Variants in ZGRF1 observed in about 807,000 individuals in gnomAD.
ZGRF1 encodes zinc finger GRF-type containing 1, also known as 5'-3' DNA helicase ZGRF1.
A neutral mutation model predicts 203.5 loss-of-function variants in ZGRF1; 196 were observed. The observed-to-expected ratio is 0.96, with a 90% confidence interval of 0.86 to 1.08. ZGRF1 has a LOEUF of 1.08. Among genes scored for constraint, ZGRF1 ranks in the 50% least tolerant of loss-of-function variants. ZGRF1 has a pLI of 0.00. For missense variants in ZGRF1, 2,326 were observed against 2,416.3 expected (o/e 0.96, Z 0.78); for synonymous variants, 809 against 841.3 (o/e 0.96, Z 0.66).
rs193253053 is a variant in ZGRF1 at position 112,613,988 on chromosome 4, A to C, written c.2603-1400T>G. On this transcript the variant is annotated intron_variant, in intron 6 of 27. Coordinates refer to ENST00000505019, the MANE Select transcript of ZGRF1 (RefSeq NM_018392.5). Reference sequence around the variant, plus strand: ...ATTTTGGAACTTGACATTTCTAACAAGTTTTTTTAAAACACCAGATGAAAA... The same window carrying C: ...ATTTTGGAACTTGACATTTCTAACACGTTTTTTTAAAACACCAGATGAAAA... 7.9e-5 allele frequency among the ~76,000 whole-genome samples: 12 copies of C among 152,322 alleles called. No homozygotes were observed. In the East Asian group the frequency reaches 2.3e-3, roughly 29 times the overall value.
At chr4:112,587,970 C>T (rs774164163) in intron 11 of ZGRF1, 41 bp from the exon 12 acceptor site, 2 of 1,434,536 alleles carry the variant, frequency 1.4e-6, no homozygotes, top group Non-Finnish European at 9.3e-7. Flanking sequence ...AAATGTTCTA[C>T]TAGTTATCAC....
intron 1 of ZGRF1, among the ~76,000 whole-genome samples, chr4:112,636,384 A>G (rs2047638274): frequency 6.6e-6 from 1 of 152,186 alleles, no homozygotes; most frequent in African/African-American, 2.4e-5. Context: ...TTTAAATACT[A>G]GATATTTTTC....
Position 112,587,598 on chromosome 4 carries a change from G to T in ZGRF1, c.3459C>A (p.Ser1153=). 2 of 1,613,760 alleles carry T rather than the reference G, an allele frequency of 1.2e-6. No homozygotes were observed. The highest frequency in any genetic ancestry group is 4.5e-5 in the East Asian group (2 of 44,880). Residue 1153 remains serine, a synonymous_variant, in exon 12 of 28, where the codon TCC becomes TCA. Coordinates refer to ENST00000505019, the MANE Select transcript of ZGRF1 (RefSeq NM_018392.5). ...TGTTTGGAGTAGCCACGTTGCATTG[G>T]GATGTGTTTTGATATTTCAGCCACT... ...QSKWLKYQNT[S]QCNVATPNRV...
chr4:112,563,932 A>G (rs1236712355), intron 16 of ZGRF1, among the ~76,000 whole-genome samples: 2 of 152,170 alleles, frequency 1.3e-5, no homozygotes, highest in African/African-American at 2.4e-5. Context: ...TAAGTTATGC[A>G]GCGCCCACAT....
At chr4:112,623,251 CTATCACTGA>C (rs1280470835) in intron 4 of ZGRF1, among the ~76,000 whole-genome samples, 1 of 152,152 alleles carries the variant, frequency 6.6e-6, no homozygotes, top group Non-Finnish European at 1.5e-5. Context: ...TTTATCCAGT[CTATCACTGA>C]TAGGCATTTA....
chr4:112,540,180 C>T, intron 26 of ZGRF1, 56 bp from the exon 27 acceptor site: 1 of 1,323,574 alleles, frequency 7.6e-7, no homozygotes, highest in South Asian at 2.0e-5. Context: ...ACTTAAGCCT[C>T]TGAACCTGCT....
intron 10 of ZGRF1, among the ~76,000 whole-genome samples, chr4:112,591,845 TCAGAGCA>T (rs1480229691): frequency 1.3e-5 from 2 of 152,168 alleles, no homozygotes; most frequent in Admixed American, 1.3e-4. Flanking sequence ...GTGTCATTCT[TCAGAGCA>T]CTTAAGACAC....
intron 20 of ZGRF1, among the ~76,000 whole-genome samples, chr4:112,556,884 G>A (rs1741044993): frequency 6.6e-6 from 1 of 152,084 alleles, no homozygotes. Flanking sequence ...TAGAAATAAT[G>A]ACTGTTTCTC....
intron 22 of ZGRF1, among the ~76,000 whole-genome samples, chr4:112,550,792 G>A (rs1180185345): frequency 6.6e-6 from 1 of 152,164 alleles, no homozygotes; most frequent in Non-Finnish European, 1.5e-5. Flanking sequence ...AGCAGAGGTT[G>A]CAGTGAGCTG....
chr4:112,546,416 T>C (rs1314199363), intron 24 of ZGRF1, among the ~76,000 whole-genome samples: 2 of 152,210 alleles, frequency 1.3e-5, no homozygotes, highest in Non-Finnish European at 2.9e-5. Flanking sequence ...ATAAACTGCA[T>C]GCTGTAAAGA....
chr4:112,617,330 A>G, intron 6 of ZGRF1, 110 bp downstream of exon 6: 1 of 768,384 alleles, frequency 1.3e-6, no homozygotes, highest in Non-Finnish European at 2.0e-6. Context: ...TGTATTACCT[A>G]TTTAAACACT....
At chr4:112,592,963 T>C (rs1037075876) in intron 10 of ZGRF1, among the ~76,000 whole-genome samples, 1 of 152,132 alleles carries the variant, frequency 6.6e-6, no homozygotes, top group African/African-American at 2.4e-5. Context: ...TTCTCTCTCT[T>C]CAAATGCACA....
At chr4:112,542,111 G>A (rs1320372158) in intron 24 of ZGRF1, among the ~76,000 whole-genome samples, 1 of 152,084 alleles carries the variant, frequency 6.6e-6, no homozygotes, top group African/African-American at 2.4e-5. Flanking sequence ...GGAGGCCAGG[G>A]TGGGAGGATC....
At chr4:112,632,208 GAAAT>G (rs748666079) in intron 2 of ZGRF1, among the ~76,000 whole-genome samples, 198 bp from the exon 3 acceptor site, 1 of 151,766 alleles carries the variant, frequency 6.6e-6, no homozygotes, top group South Asian at 2.1e-4. Context: ...TTAATTAAAT[GAAAT>G]AAATAAGGGA....
intron 6 of ZGRF1, among the ~76,000 whole-genome samples, chr4:112,617,139 CGTT>C (rs920069052): frequency 2.6e-5 from 4 of 151,894 alleles, no homozygotes; most frequent in African/African-American, 9.7e-5. Context: ...TATATATGTA[CGTT>C]TTTTGACATA....
At position 112,587,560 on chromosome 4, in the gene ZGRF1, C is replaced by T; in HGVS notation, c.3497G>A (p.Arg1166Lys). ...CTCAGCAAAGAAGCCATCAGTTATT[C>T]TCTTATCAACTCTGTTTGGAGTAGC... is the stretch of plus-strand genomic sequence containing the variant. ...NVATPNRVDKRITDGFFAEAV... is the reference protein window; with the variant it reads ...NVATPNRVDKKITDGFFAEAV... Residue 1166 changes from arginine (R) to lysine (K), a missense_variant, in exon 12 of 28, where the codon AGA becomes AAA. Physicochemically the swap from Arg to Lys is conservative, Grantham distance 26 (BLOSUM62 2). Coordinates refer to ENST00000505019, the MANE Select transcript of ZGRF1 (RefSeq NM_018392.5). The T allele has an allele frequency of 4.3e-6, 7 of 1,613,888 alleles. No individual in the cohort carries two copies. The highest frequency in any genetic ancestry group is 5.9e-6 in the Non-Finnish European group (7 of 1,179,848).
intron 4 of ZGRF1, among the ~76,000 whole-genome samples, chr4:112,621,649 A>G (rs927176402): frequency 3.9e-4 from 57 of 146,916 alleles, no homozygotes; most frequent in African/African-American, 1.4e-3. Context: ...GCAAAACTCC[A>G]TCTCAAAAAA....
At chr4:112,620,754 T>C (rs867765152) in intron 4 of ZGRF1, among the ~76,000 whole-genome samples, 2 of 151,738 alleles carry the variant, frequency 1.3e-5, no homozygotes, top group Non-Finnish European at 2.9e-5. Flanking sequence ...TCCCAGCTAT[T>C]TGGGGGGAAT....
chr4:112,608,805 G>A (rs1051385951), intron 8 of ZGRF1, among the ~76,000 whole-genome samples: 1 of 152,032 alleles, frequency 6.6e-6, no homozygotes, highest in African/African-American at 2.4e-5. Context: ...ATTTTGTTCT[G>A]TTTTAGGCAA....
Sources: allele counts gnomAD v4.1 joint callset (sites outside exome capture counted in the v4.1 genomes callset), GRCh38; gene constraint gnomAD v4.1.1; transcripts MANE v1.5; gene names NCBI Gene and HGNC (gene_info 2026-07-23, HGNC 2026-07-21).